MYH13: variants seen among roughly 807,000 people sequenced by gnomAD.
MYH13 encodes the protein myosin-13.
A neutral mutation model predicts 232.1 loss-of-function variants in MYH13; 177 were observed. The observed-to-expected ratio is 0.76, with a 90% CI of 0.67 to 0.86. The LOEUF (loss-of-function observed/expected upper bound fraction) is 0.86, where lower values mean the gene tolerates loss of function less well. Ranked by LOEUF, MYH13 falls within the 40% of genes least tolerant of loss-of-function variation. The probability of loss-of-function intolerance (pLI) is 0.00; values close to 1 mark genes in which losing one functional copy is unlikely to be tolerated. For missense variants in MYH13, 2,246 were observed against 2,405.9 expected (o/e 0.93, Z 1.39); for synonymous variants, 884 against 923.5 (o/e 0.96, Z 0.78).
intron 2 of MYH13, among the ~76,000 whole-genome samples, chr17:10,370,068 C>T (rs2071866912): frequency 6.6e-6 from 1 of 152,176 alleles, no homozygotes; most frequent in Admixed American, 6.5e-5. Context: ...AGTCACTCTT[C>T]CCTGAACCCA....
intron 21 of MYH13, 138 bp downstream of exon 21, chr17:10,330,249 T>C (rs1907364506): frequency 1.6e-6 from 2 of 1,240,302 alleles, no homozygotes; most frequent in African/African-American, 1.5e-5. Flanking sequence ...AGCCCAGGAT[T>C]GCCGCTCAGT....
At chr17:10,366,185 T>C (rs1425280834) in intron 2 of MYH13, among the ~76,000 whole-genome samples, 1 of 151,878 alleles carries the variant, frequency 6.6e-6, no homozygotes, top group Admixed American at 6.6e-5. Flanking sequence ...CAGAATTTGC[T>C]TCTCTCATTC....
chr17:10,309,479 G>A, intron 34 of MYH13, 42 bp from the exon 35 acceptor site: 1 of 1,600,688 alleles, frequency 6.2e-7, no homozygotes. Context: ...CGCCTGGCAG[G>A]CTGGGGCCCG....
chr17:10,345,979 G>A (rs762968755), intron 13 of MYH13, among the ~76,000 whole-genome samples: 55 of 107,008 alleles, frequency 5.1e-4, no homozygotes, highest in Non-Finnish European at 8.4e-4. Flanking sequence ...GTGACATAGC[G>A]AGACTCTGTC....
intron 3 of MYH13, 48 bp from the exon 4 acceptor site, chr17:10,362,551 C>T (rs1353270610): frequency 6.2e-7 from 1 of 1,610,704 alleles, no homozygotes; most frequent in Admixed American, 1.7e-5. Flanking sequence ...AGCCAAGTGC[C>T]CACATTGCAC....
At chr17:10,372,421 G>A (rs1008675094) in intron 1 of MYH13, among the ~76,000 whole-genome samples, 2 of 152,142 alleles carry the variant, frequency 1.3e-5, no homozygotes, top group Non-Finnish European at 2.9e-5. Context: ...GGATGCTATT[G>A]CACTGTCAGA....
chr17:10,331,446 A>G (rs1907405954), intron 20 of MYH13, among the ~76,000 whole-genome samples: 1 of 152,142 alleles, frequency 6.6e-6, no homozygotes, highest in African/African-American at 2.4e-5. Context: ...CCTCCCAAGA[A>G]CCTGATGAGT....
intron 7 of MYH13, among the ~76,000 whole-genome samples, chr17:10,358,172 G>A (rs1215080886): frequency 1.3e-5 from 2 of 151,644 alleles, no homozygotes; most frequent in Admixed American, 1.3e-4. Context: ...GTTATTGCAT[G>A]TAATATGACC....
At chr17:10,305,784 T>C (rs1906258128) in intron 37 of MYH13, among the ~76,000 whole-genome samples, 1 of 152,106 alleles carries the variant, frequency 6.6e-6, no homozygotes. Flanking sequence ...GCAAAGAAAC[T>C]GAATAATAAC....
chr17:10,346,888 G>A (rs1223907831), intron 12 of MYH13, 90 bp from the exon 13 acceptor site: 5 of 927,162 alleles, frequency 5.4e-6, no homozygotes, highest in Non-Finnish European at 8.4e-6. Flanking sequence ...AGTGTTTTCT[G>A]TAATTTTCTT....
Position 10,334,645 on chromosome 17 carries a change from G to A in MYH13, c.2057-1454C>T, listed in dbSNP as rs540723168. Among the ~76,000 whole-genome samples the A allele has an allele frequency of 6.6e-4, 100 of 152,156 alleles. No individual in the cohort carries two copies. In the Middle Eastern group the frequency reaches 0.01, roughly 16 times the overall value. On this transcript the variant is annotated intron_variant, in intron 18 of 40. Coordinates refer to ENST00000252172, the MANE Select transcript of MYH13 (RefSeq NM_003802.3). ...CTGTAATCACCGCACTTGGGAGGTCGAGGTGGGTGGATCACCTGAGGTCAG... is the reference window on the plus strand; with the variant it reads ...CTGTAATCACCGCACTTGGGAGGTCAAGGTGGGTGGATCACCTGAGGTCAG...
At chr17:10,357,659 G>A in intron 8 of MYH13, 76 bp downstream of exon 8, 1 of 1,349,258 alleles carries the variant, frequency 7.4e-7, no homozygotes, top group South Asian at 1.2e-5. Context: ...CAGTTTATGG[G>A]GCAGTTTTTC....
intron 11 of MYH13, among the ~76,000 whole-genome samples, chr17:10,351,839 G>A (rs1260667016): frequency 6.6e-6 from 1 of 152,210 alleles, no homozygotes; most frequent in African/African-American, 2.4e-5. Context: ...TGAGCCTGTA[G>A]AGTGTCCATT....
rs764365343 is a variant in MYH13 at position 10,320,182 on chromosome 17, G to T, written c.3319C>A (p.Gln1107Lys). The part of the protein sequence containing the change: ...KIDDEQVHSL[Q>K]FQKKIKELQA... ...AGTTCTTTAATCTTCTTTTGAAACT[G>T]CAAACTGTGGACTTGTTCGTCATCT... The change falls in exon 26 of 41, where the codon CAG becomes AAG. Residue 1107 changes from glutamine (Q) to lysine (K), a missense_variant. Coordinates refer to ENST00000252172, the MANE Select transcript of MYH13 (RefSeq NM_003802.3). 80 of 1,599,682 alleles carry T rather than the reference G, an allele frequency of 5.0e-5. No homozygotes were observed. The highest frequency in any genetic ancestry group is 6.6e-5 in the Non-Finnish European group (77 of 1,172,538).
chr17:10,333,873 A>G lies in MYH13; in HGVS notation c.2057-682T>C, dbSNP rs141274769. Among the ~76,000 whole-genome samples, 8 of 151,498 alleles carry G rather than the reference A, an allele frequency of 5.3e-5. 2 individuals are homozygous for G. The highest frequency in any genetic ancestry group is 2.1e-4 in the South Asian group (1 of 4,788). On this transcript the variant is annotated intron_variant, in intron 18 of 40. Coordinates refer to ENST00000252172, the MANE Select transcript of MYH13 (RefSeq NM_003802.3). ...CAGTGAGCTGAGATTGAGCCACTGC[A>G]CTCCAGTCTAGGCAAGAAGAGTGAA...
chr17:10,324,619 A>G (rs1042848239), intron 22 of MYH13, among the ~76,000 whole-genome samples: 2 of 150,570 alleles, frequency 1.3e-5, no homozygotes, highest in Non-Finnish European at 3.0e-5. Flanking sequence ...TAATCTTTGT[A>G]TTTTTTTGTA....
chr17:10,312,994 G>A (rs1042606443), intron 30 of MYH13, among the ~76,000 whole-genome samples, 164 bp downstream of exon 30: 2 of 152,126 alleles, frequency 1.3e-5, no homozygotes, highest in South Asian at 2.1e-4. Flanking sequence ...GACAGTTCCC[G>A]AGAAGAAGGA....
At chr17:10,336,154 G>A (rs1284433074) in intron 18 of MYH13, among the ~76,000 whole-genome samples, 1 of 152,112 alleles carries the variant, frequency 6.6e-6, no homozygotes, top group Non-Finnish European at 1.5e-5. Flanking sequence ...TCTCTCACAG[G>A]GCCCCTCTGG....
At chr17:10,309,139 C>A in intron 35 of MYH13, 95 bp downstream of exon 35, 1 of 1,305,154 alleles carries the variant, frequency 7.7e-7, no homozygotes, top group Non-Finnish European at 1.0e-6. Context: ...ACGGCGTGGG[C>A]CCTGAGTGGA....
Sources: allele counts gnomAD v4.1 joint callset (sites outside exome capture counted in the v4.1 genomes callset), GRCh38; gene constraint gnomAD v4.1.1; transcripts MANE v1.5; gene names NCBI Gene and HGNC (gene_info 2026-07-23, HGNC 2026-07-21).